Variants in SLC8A2 observed in about 807,000 individuals in gnomAD.
The protein encoded by SLC8A2 is solute carrier family 8 member A2.
A neutral mutation model predicts 70.2 loss-of-function variants in SLC8A2; 14 were observed. The observed-to-expected ratio is 0.20, with a 90% confidence interval of 0.13 to 0.31. The LOEUF (loss-of-function observed/expected upper bound fraction) is 0.31. SLC8A2 is among the 10% of genes least tolerant of loss of function. The pLI is 1.00. For synonymous variants in SLC8A2, 575 were observed against 594.3 expected (o/e 0.97, Z 0.47); for missense variants, 779 against 1,320.1 (o/e 0.59, Z 6.35).
At position 47,430,522 on chromosome 19, in the gene SLC8A2, G is replaced by A. The variant is rs1041989764; in HGVS notation, c.2390-57C>T. 2.6e-4 allele frequency: 392 copies of A among 1,492,226 alleles called. No homozygotes were observed. Among genetic ancestry groups the A allele is most frequent in the Non-Finnish European group, 3.4e-4 (380 of 1,123,080 alleles). The allele number at this position is 1,492,226 out of a possible 1,614,324, so 92.4% of individuals were successfully genotyped here. A position where few individuals can be genotyped will look rare whatever the true frequency, so the allele number is the denominator to read the frequency against. On this transcript the variant is annotated intron_variant, in intron 9 of 9. Coordinates refer to ENST00000236877, the MANE Select transcript of SLC8A2 (RefSeq NM_015063.3). The surrounding 1 kb of genome is among the most constrained non-coding windows in gnomAD (Gnocchi z 5.9). ...CTTTGCGCCGCCACCCACAGGGGCGGGCATCCGCCTGCCCCCTCCCAGCCT... is the reference window on the plus strand; with the variant it reads ...CTTTGCGCCGCCACCCACAGGGGCGAGCATCCGCCTGCCCCCTCCCAGCCT...
chr19:47,447,672 GCCCCT>G lies in SLC8A2; in HGVS notation c.1763+132_1763+136del. On this transcript the variant is annotated intron_variant, in intron 4 of 9. Transcript: ENST00000236877. This position sits in a 1 kb window ranked among gnomAD's most constrained non-coding sequence, Gnocchi z 5.1. ...CCACGTTGCGGGCACGGCCACGCAG[GCCCCT>G]CCCCTCCCGAGGCCCAACCAAGACC... 2.3e-6 allele frequency: 2 copies of G among 886,760 alleles called. No homozygotes were observed. Among genetic ancestry groups the G allele is most frequent in the Non-Finnish European group, 3.2e-6 (2 of 625,880 alleles). 54.9% of individuals were successfully genotyped at this position (886,760 alleles called of 1,614,324 possible).
Position 47,430,730 on chromosome 19 carries a change from CT to C in SLC8A2, c.2390-266del, listed in dbSNP as rs921128818. Among the ~76,000 whole-genome samples the C allele has an allele frequency of 1.5e-3, 233 of 151,928 alleles. No individual in the cohort carries two copies. The highest frequency in any genetic ancestry group is 2.6e-3 in the Non-Finnish European group (177 of 67,908). On this transcript the variant is annotated intron_variant, in intron 9 of 9. Coordinates refer to ENST00000236877, the MANE Select transcript of SLC8A2 (RefSeq NM_015063.3). The surrounding 1 kb of genome is among the most constrained non-coding windows in gnomAD (Gnocchi z 5.9). ...TTCTATGGGACTCACTGCGTGATTT[CT>C]TTTTTTTTCCTCCGAGACGGAGTTT... is the stretch of plus-strand genomic sequence containing the variant.
rs1225907372 is a variant in SLC8A2 at position 47,430,317 on chromosome 19, G to A, written c.2538C>T (p.Arg846=). The change falls in exon 10 of 10, where the codon CGC becomes CGT. Residue 846 remains arginine, a synonymous_variant. Coordinates refer to ENST00000236877, the MANE Select transcript of SLC8A2 (RefSeq NM_015063.3). The surrounding 1 kb of genome is among the most constrained non-coding windows in gnomAD (Gnocchi z 5.9). Reference sequence around the variant, plus strand: ...GCGTGCCAGTGCGCACCTCGAAGGGGCGGCCCTGCACCGCCCAGTACACGG... The same window carrying A: ...GCGTGCCAGTGCGCACCTCGAAGGGACGGCCCTGCACCGCCCAGTACACGG... ...VAAVYWAVQG[R]PFEVRTGTLA... The A allele has an allele frequency of 6.2e-7, 1 of 1,612,438 alleles. No individual in the cohort carries two copies. The highest frequency in any genetic ancestry group is 1.7e-5 in the Admixed American group (1 of 59,922).
Position 47,468,139 on chromosome 19 carries a change from C to T in SLC8A2, c.-16-1720G>A, listed in dbSNP as rs1011927903. On this transcript the variant is annotated intron_variant, in intron 1 of 9. Transcript: ENST00000236877. The surrounding 1 kb of genome is among the most constrained non-coding windows in gnomAD (Gnocchi z 5.1). ...CCAGGGCCCGTGAGGTCCTGCCCAA[C>T]CTGGCCCCGACTCCCTCTCTGGCCT... Among the ~76,000 whole-genome samples, 4 of 151,964 alleles carry T rather than the reference C, an allele frequency of 2.6e-5. No individual in the cohort carries two copies. Among genetic ancestry groups the T allele is most frequent in the Admixed American group, 2.0e-4 (3 of 15,234 alleles).
Position 47,460,090 on chromosome 19 carries a change from C to T in SLC8A2, c.676-2496G>A, listed in dbSNP as rs149812732. Among the ~76,000 whole-genome samples, 37 of 152,304 alleles carry T rather than the reference C, an allele frequency of 2.4e-4. No homozygotes were observed. In the East Asian group the frequency reaches 6.8e-3, roughly 28 times the overall value. On this transcript the variant is annotated intron_variant, in intron 2 of 9. Transcript: ENST00000236877. ...CCAAACCTCGCCCATCATCCAGGGC[C>T]TGCTCTCTGTTCACCCAAACGCCCT...
At position 47,457,069 on chromosome 19, in the gene SLC8A2, T is replaced by G; in HGVS notation, c.1201A>C (p.Ser401Arg). 2 of 1,593,840 alleles carry G rather than the reference T, an allele frequency of 1.3e-6. No individual in the cohort carries two copies. Among genetic ancestry groups the G allele is most frequent in the Non-Finnish European group, 1.7e-6 (2 of 1,170,588 alleles). Residue 401 changes from serine (S) to arginine (R), a missense_variant, in exon 3 of 10, where the codon AGC becomes CGC. Ser to Arg is a moderately radical substitution (Grantham distance 110, BLOSUM62 -1). Around this residue, in one of 6 missense-constraint regions of SLC8A2, gnomAD observed 186 missense variants for 246.6 expected, o/e 0.75. Coordinates refer to ENST00000236877, the MANE Select transcript of SLC8A2 (RefSeq NM_015063.3). ...CAGTTCTCCAGGCAGTGGTAGAGGC[T>G]AGGCTCGAAGAAGATGCGGCTGGCG... Reference protein sequence around the residue: ...DGASRIFFEPSLYHCLENCGS... With the variant: ...DGASRIFFEPRLYHCLENCGS...
chr19:47,434,333 C>T (rs1198173374), intron 8 of SLC8A2, among the ~76,000 whole-genome samples: 1 of 152,194 alleles, frequency 6.6e-6, no homozygotes, highest in African/African-American at 2.4e-5. Flanking sequence ...AGCTGACTTC[C>T]CCAGCTGCTC....
At chr19:47,435,940 C>G (rs1016841777) in intron 8 of SLC8A2, among the ~76,000 whole-genome samples, 3 of 152,162 alleles carry the variant, frequency 2.0e-5, no homozygotes, top group African/African-American at 7.2e-5. Flanking sequence ...CATTCAAAAC[C>G]CTCCATGGCT....
intron 4 of SLC8A2, among the ~76,000 whole-genome samples, chr19:47,446,817 G>C (rs1485388602): frequency 2.0e-5 from 3 of 151,602 alleles, no homozygotes; most frequent in African/African-American, 7.2e-5. Flanking sequence ...TGGGATTACA[G>C]GTGTTGACCA....
At chr19:47,445,400 T>C (rs1383442362) in intron 4 of SLC8A2, among the ~76,000 whole-genome samples, 1 of 152,164 alleles carries the variant, frequency 6.6e-6, no homozygotes, top group East Asian at 1.9e-4. Context: ...TGAGCCACCG[T>C]GCCCGACCTC....
rs780963134 is a variant in SLC8A2 at position 47,466,699 on chromosome 19, T to C, written c.-16-280A>G. Among the ~76,000 whole-genome samples the C allele has an allele frequency of 2.6e-4, 40 of 152,150 alleles. No individual in the cohort carries two copies. Among genetic ancestry groups the C allele is most frequent in the Non-Finnish European group, 4.7e-4 (32 of 68,022 alleles). ...AACTACAGCCGAACACCACGTATCA[T>C]GCAATTCAGCAGTTTTGTTCCTCGG... On this transcript the variant is annotated intron_variant, in intron 1 of 9. Coordinates refer to ENST00000236877, the MANE Select transcript of SLC8A2 (RefSeq NM_015063.3). This position sits in a 1 kb window ranked among gnomAD's most constrained non-coding sequence, Gnocchi z 6.9.
At chr19:47,433,655 T>TC (rs1381763245) in intron 8 of SLC8A2, among the ~76,000 whole-genome samples, 1 of 146,750 alleles carries the variant, frequency 6.8e-6, no homozygotes, top group African/African-American at 2.5e-5. Flanking sequence ...TGCAGTGACT[T>TC]TTTTTTTTTT....
rs1423230972 is a variant in SLC8A2, at chr19:47,460,721, A to C, written c.676-3127T>G. On this transcript the variant is annotated intron_variant, in intron 2 of 9. Coordinates refer to ENST00000236877, the MANE Select transcript of SLC8A2 (RefSeq NM_015063.3). ...TAAAAAAAAAAAAGAAAGAAAAAGA[A>C]AAAAAAGAACATCGCCATCGTTATT... Among the ~76,000 whole-genome samples, 3 of 151,700 alleles carry C rather than the reference A, an allele frequency of 2.0e-5. No individual in the cohort carries two copies. The East Asian group carries it at 5.8e-4, about 29-fold the overall frequency.
rs1327486844 is a variant in SLC8A2 at position 47,428,128 on chromosome 19, AAC to A, written c.*1959_*1960del. On this transcript the variant is annotated 3_prime_UTR_variant, in exon 10 of 10. Transcript: ENST00000236877. ...TGTTCCCAGGATGCCCATAAAGAGA[AAC>A]AGTTTGTGGCTCATGCATGGGGGCG... 7.5e-4 allele frequency: 114 copies of A among 152,386 alleles called. 1 individual carries two copies. Among genetic ancestry groups the A allele is most frequent in the African/African-American group, 2.7e-3 (111 of 41,586 alleles). 9.4% of individuals were successfully genotyped at this position (152,386 alleles called of 1,614,324 possible). A position where few individuals can be genotyped will look rare whatever the true frequency, so the allele number is the denominator to read the frequency against.
intron 2 of SLC8A2, among the ~76,000 whole-genome samples, chr19:47,461,357 A>G (rs1480199450): frequency 6.6e-6 from 1 of 151,566 alleles, no homozygotes; most frequent in African/African-American, 2.4e-5. Context: ...AAAAATACAA[A>G]AATCAGCCAG....
At chr19:47,464,906 G>C (rs1967438916) in intron 2 of SLC8A2, among the ~76,000 whole-genome samples, 1 of 152,202 alleles carries the variant, frequency 6.6e-6, no homozygotes, top group Non-Finnish European at 1.5e-5. Context: ...TGGGGTGAGC[G>C]AAAGGCTAAT....
chr19:47,429,872 G>A lies in SLC8A2; in HGVS notation c.*217C>T. 3.3e-6 allele frequency: 2 copies of A among 600,936 alleles called. No individual in the cohort carries two copies. The highest frequency in any genetic ancestry group is 5.9e-6 in the Non-Finnish European group (2 of 340,120). The allele number at this position is 600,936 out of a possible 1,614,324, so 37.2% of individuals were successfully genotyped here. On this transcript the variant is annotated 3_prime_UTR_variant, in exon 10 of 10. Coordinates refer to ENST00000236877, the MANE Select transcript of SLC8A2 (RefSeq NM_015063.3). Reference sequence around the variant, plus strand: ...GGGCTGGAGTTGGGGTCACCGCAGGGGAGGAACCGGGGAGGCTCCCGAGAG... The same window carrying A: ...GGGCTGGAGTTGGGGTCACCGCAGGAGAGGAACCGGGGAGGCTCCCGAGAG...
At position 47,468,088 on chromosome 19, in the gene SLC8A2, T is replaced by C. The variant is rs1211524483; in HGVS notation, c.-16-1669A>G. On this transcript the variant is annotated intron_variant, in intron 1 of 9. Transcript: ENST00000236877. This position sits in a 1 kb window ranked among gnomAD's most constrained non-coding sequence, Gnocchi z 5.1. ...TGTTCAGAACCCCCGCCAGCTCCCA[T>C]CTCACTCACAGCACCAGCGTCCTCT... Among the ~76,000 whole-genome samples the C allele has an allele frequency of 6.7e-6, 1 of 149,604 alleles. No individual in the cohort carries two copies. The highest frequency in any genetic ancestry group is 1.5e-5 in the Non-Finnish European group (1 of 67,376).
Position 47,448,239 on chromosome 19 carries a change from GGGGTGGGGA to G in SLC8A2, c.1341-17_1341-9del. 1 of 1,580,198 alleles carries G rather than the reference GGGGTGGGGA, an allele frequency of 6.3e-7. No individual in the cohort carries two copies. The highest frequency in any genetic ancestry group is 2.3e-5 in the East Asian group (1 of 44,358). On this transcript the variant is annotated splice_polypyrimidine_tract_variant and intron_variant, in intron 3 of 9. Coordinates refer to ENST00000236877, the MANE Select transcript of SLC8A2 (RefSeq NM_015063.3). The surrounding 1 kb of genome is among the most constrained non-coding windows in gnomAD (Gnocchi z 4.8). ...AACACCAGCGTGCCCTCGCTGCGGC[GGGGTGGGGA>G]GGGGGAAGAGCGGGGTGAGGGTCGG...
Sources: gnomAD v4.1 joint callset for allele counts (sites outside exome capture counted in the v4.1 genomes callset) on GRCh38, gnomAD v4.1.1 for gene constraint, gnomAD v4.1.1 regional missense constraint, Gnocchi (gnomAD v3.1) non-coding constraint, MANE v1.5 for transcripts, NCBI Gene and HGNC (gene_info 2026-07-23, HGNC 2026-07-21) for gene names.